The following GALNT18 variants were observed in gnomAD, a reference collection of about 807,000 sequenced individuals.
GALNT18 encodes polypeptide N-acetylgalactosaminyltransferase 18.
A neutral mutation model predicts 69.5 loss-of-function variants in GALNT18; 44 were observed. That is an observed-to-expected ratio of 0.63 (90% CI 0.50 to 0.81). The LOEUF (loss-of-function observed/expected upper bound fraction) is 0.81, where lower values mean the gene tolerates loss of function less well. Ranked by LOEUF, GALNT18 falls within the 40% of genes least tolerant of loss-of-function variation. The pLI, the probability that GALNT18 is intolerant of heterozygous loss-of-function variation, is 0.00. For missense variants in GALNT18, 715 were observed against 810.0 expected, an observed-to-expected ratio of 0.88 and a Z score of 1.42; for synonymous variants, 364 against 318.2, an observed-to-expected ratio of 1.14 and a Z score of -1.53.
rs1254225686 is a variant in GALNT18 at position 11,563,539 on chromosome 11, A to C, written c.235+57820T>G. Among the ~76,000 whole-genome samples the C allele has an allele frequency of 6.6e-6, 1 of 152,216 alleles. No individual in the cohort carries two copies. Among genetic ancestry groups the C allele is most frequent in the Non-Finnish European group, 1.5e-5 (1 of 68,038 alleles). The stretch of plus-strand genomic sequence containing the variant: ...ATGCTCACATTTAACTGACATTCAC[A>C]GTGTCTTCTAGGTGCAAACAGAGGG... On this transcript the variant is annotated intron_variant, in intron 1 of 10. Transcript: ENST00000227756. The surrounding 1 kb of genome is among the most constrained non-coding windows in gnomAD (Gnocchi z 4.6).
Position 11,402,744 on chromosome 11 carries a change from G to T in GALNT18, c.596-23480C>A, listed in dbSNP as rs759885780. ...TAAAGTGTGGCATTTTAATGCACCT[G>T]CCTTGCAGCTGCGGGTAAGAACAGC... On this transcript the variant is annotated intron_variant, in intron 3 of 10. Transcript: ENST00000227756. The surrounding 1 kb of genome is among the most constrained non-coding windows in gnomAD (Gnocchi z 4.0). 5.0e-4 allele frequency among the ~76,000 whole-genome samples: 76 copies of T among 152,232 alleles called. No homozygotes were observed. Among genetic ancestry groups the T allele is most frequent in the Non-Finnish European group, 1.0e-3 (69 of 68,038 alleles).
intron 9 of GALNT18, among the ~76,000 whole-genome samples, chr11:11,303,596 A>G (rs1238501607): frequency 3.3e-5 from 5 of 151,128 alleles, no homozygotes; most frequent in Non-Finnish European, 5.9e-5. Context: ...CTTGGGCCCT[A>G]GCGCAACCTC....
intron 9 of GALNT18, among the ~76,000 whole-genome samples, chr11:11,296,763 G>A (rs1849409467): frequency 1.3e-5 from 2 of 152,180 alleles, no homozygotes; most frequent in Admixed American, 6.5e-5. Context: ...GCAGACGATT[G>A]TTATTTAAAA....
chr11:11,608,289 A>G (rs1241831458), intron 1 of GALNT18, among the ~76,000 whole-genome samples: 2 of 152,204 alleles, frequency 1.3e-5, no homozygotes, highest in African/African-American at 4.8e-5. Context: ...AGGAAGACTG[A>G]AAAAGGGAAC....
intron 8 of GALNT18, among the ~76,000 whole-genome samples, chr11:11,328,430 C>T (rs1233671368): frequency 2.0e-5 from 3 of 152,164 alleles, no homozygotes; most frequent in African/African-American, 7.2e-5. Flanking sequence ...CCAGAGACAG[C>T]AGCAGGGCCT....
chr11:11,300,930 G>A (rs1488876134), intron 9 of GALNT18, among the ~76,000 whole-genome samples: 6 of 152,202 alleles, frequency 3.9e-5, no homozygotes, highest in Non-Finnish European at 8.8e-5. Flanking sequence ...GCCTAGGAGT[G>A]AAATGTTGGC....
At chr11:11,610,323 A>G (rs1389968997) in intron 1 of GALNT18, among the ~76,000 whole-genome samples, 2 of 152,212 alleles carry the variant, frequency 1.3e-5, no homozygotes, top group African/African-American at 4.8e-5. Flanking sequence ...TAGCAGCTGA[A>G]CCTGGGATAA....
chr11:11,602,516 G>A lies in GALNT18; in HGVS notation c.235+18843C>T, dbSNP rs1209691397. 6.6e-6 allele frequency among the ~76,000 whole-genome samples: 1 copy of A among 152,134 alleles called. No homozygotes were observed. Among genetic ancestry groups the A allele is most frequent in the Non-Finnish European group, 1.5e-5 (1 of 68,018 alleles). On this transcript the variant is annotated intron_variant, in intron 1 of 10. Transcript: ENST00000227756. The surrounding 1 kb of genome is among the most constrained non-coding windows in gnomAD (Gnocchi z 4.7). The stretch of plus-strand genomic sequence containing the variant: ...AGGAGAGCTTCTGTTTTATTGAGCT[G>A]GAATTGGGGGAGGAAGGGCAATTAT...
chr11:11,294,448 GTTCTGCTGGGAATCCT>G (rs1849359976), intron 9 of GALNT18, among the ~76,000 whole-genome samples: 1 of 152,068 alleles, frequency 6.6e-6, no homozygotes, highest in African/African-American at 2.4e-5. Context: ...ACTCTTATCA[GTTCTGCTGGGAATCCT>G]GAGACCCAGG....
intron 7 of GALNT18, among the ~76,000 whole-genome samples, chr11:11,335,665 T>G (rs1335826531): frequency 6.6e-6 from 1 of 152,168 alleles, no homozygotes; most frequent in African/African-American, 2.4e-5. Flanking sequence ...GGGGCTTGCC[T>G]AAATTATGAC....
At chr11:11,405,240 G>A (rs896855780) in intron 3 of GALNT18, among the ~76,000 whole-genome samples, 4 of 152,212 alleles carry the variant, frequency 2.6e-5, no homozygotes, top group African/African-American at 4.8e-5. Flanking sequence ...CCCTCCCTTA[G>A]TTTTAGATTT....
At chr11:11,479,660 G>A (rs1451669991) in intron 1 of GALNT18, among the ~76,000 whole-genome samples, 1 of 152,112 alleles carries the variant, frequency 6.6e-6, no homozygotes, top group East Asian at 1.9e-4. Flanking sequence ...TTATTTCCGT[G>A]GTTTACTGAG....
In GALNT18 at chr11:11,578,028, G is replaced by A. The variant is rs1444239608; in HGVS notation, c.235+43331C>T. On this transcript the variant is annotated intron_variant, in intron 1 of 10. Transcript: ENST00000227756. The stretch of plus-strand genomic sequence containing the variant: ...TCCCTAAAATGAAAGTGCTCTGAAT[G>A]TCTCATCCAGAACTGCGAGAGGGAA... 2.0e-5 allele frequency among the ~76,000 whole-genome samples: 3 copies of A among 152,218 alleles called. No individual in the cohort carries two copies. In the East Asian group the frequency reaches 5.8e-4, roughly 29 times the overall value.
At chr11:11,392,376 C>A (rs548487253) in intron 3 of GALNT18, among the ~76,000 whole-genome samples, 17 of 152,292 alleles carry the variant, frequency 1.1e-4, no homozygotes, top group African/African-American at 4.1e-4. Flanking sequence ...TCCCAGCACT[C>A]TGGGAGGCCG....
rs1269710810 is a variant in GALNT18 at position 11,430,932 on chromosome 11, G to C, written c.595+1689C>G. 6.6e-6 allele frequency among the ~76,000 whole-genome samples: 1 copy of C among 152,084 alleles called. No individual in the cohort carries two copies. Among genetic ancestry groups the C allele is most frequent in the Non-Finnish European group, 1.5e-5 (1 of 68,018 alleles). The stretch of plus-strand genomic sequence containing the variant: ...GACCCCATCATTCCTCTGACCAAAA[G>C]CTTTAGATAGTTATTGCCATTTACA... On this transcript the variant is annotated intron_variant, in intron 3 of 10. Transcript: ENST00000227756. The surrounding 1 kb of genome is among the most constrained non-coding windows in gnomAD (Gnocchi z 4.9).
chr11:11,593,518 G>A (rs61870394), intron 1 of GALNT18, among the ~76,000 whole-genome samples: 15,103 of 152,272 alleles, frequency 0.099, 949 homozygotes, highest in Middle Eastern at 0.15. Flanking sequence ...GAGGAACTTT[G>A]TTCCTTTTTG....
At chr11:11,457,484 G>A (rs921750401) in intron 1 of GALNT18, among the ~76,000 whole-genome samples, 1 of 152,218 alleles carries the variant, frequency 6.6e-6, no homozygotes, top group Non-Finnish European at 1.5e-5. Flanking sequence ...TGGAGGACAA[G>A]GGAATCAGAG....
intron 10 of GALNT18, among the ~76,000 whole-genome samples, chr11:11,274,000 G>A (rs187180843): frequency 3.5e-4 from 54 of 152,266 alleles, no homozygotes; most frequent in African/African-American, 1.2e-3. Flanking sequence ...ATCTCATTCG[G>A]ACTGGTTGGA....
intron 2 of GALNT18, among the ~76,000 whole-genome samples, chr11:11,445,735 C>G (rs1260370064): frequency 2.0e-5 from 3 of 152,154 alleles, no homozygotes; most frequent in African/African-American, 7.2e-5. Flanking sequence ...TCTGCTCTGC[C>G]TTTTATCAGA....
Sources: allele counts gnomAD v4.1 joint callset (sites outside exome capture counted in the v4.1 genomes callset), GRCh38; gene constraint gnomAD v4.1.1; non-coding constraint Gnocchi (gnomAD v3.1); transcripts MANE v1.5; gene names NCBI Gene and HGNC (gene_info 2026-07-23, HGNC 2026-07-21).